Variants in TMEM87B observed in about 807,000 individuals in gnomAD.
TMEM87B encodes transmembrane protein 87B.
A neutral mutation model predicts 80.3 loss-of-function variants in TMEM87B; 83 were observed. The ratio of observed to expected loss-of-function variants is 1.03; its 90% CI spans 0.87 to 1.24. The LOEUF (loss-of-function observed/expected upper bound fraction) is 1.24. Among genes scored for constraint, TMEM87B ranks in the 50% most tolerant of loss-of-function variants. The pLI is 0.00. For missense variants in TMEM87B, 625 were observed against 674.4 expected (o/e 0.93, Z 0.81); for synonymous variants, 219 against 230.5 (o/e 0.95, Z 0.45).
chr2:112,092,056 C>G (rs1253784237), intron 11 of TMEM87B, among the ~76,000 whole-genome samples: 2 of 152,172 alleles, frequency 1.3e-5, no homozygotes, highest in African/African-American at 4.8e-5. Context: ...AAGGGATTCA[C>G]AGTCTTGTAG....
At chr2:112,057,364 C>G (rs1302746041) in intron 1 of TMEM87B, among the ~76,000 whole-genome samples, 1 of 152,214 alleles carries the variant, frequency 6.6e-6, no homozygotes. Flanking sequence ...CAGCCTCAAA[C>G]TCCTGGGCTC....
intron 15 of TMEM87B, among the ~76,000 whole-genome samples, chr2:112,102,555 G>T (rs182370884): frequency 6.6e-6 from 1 of 151,964 alleles, no homozygotes; most frequent in African/African-American, 2.4e-5. Context: ...TTAGCCGGGC[G>T]TGGTGGTGTG....
intron 4 of TMEM87B, among the ~76,000 whole-genome samples, chr2:112,071,899 G>T (rs754974336): frequency 6.6e-6 from 1 of 152,160 alleles, no homozygotes; most frequent in Non-Finnish European, 1.5e-5. Flanking sequence ...TGCCCATTAA[G>T]TATGATGTTG....
At chr2:112,116,025 G>C in intron 18 of TMEM87B, 59 bp from the exon 19 acceptor site, 1 of 1,424,718 alleles carries the variant, frequency 7.0e-7, no homozygotes, top group South Asian at 1.2e-5. Context: ...GAAAATTTTT[G>C]TTAGGGTTCT....
chr2:112,057,018 G>T (rs1013896944), intron 1 of TMEM87B, among the ~76,000 whole-genome samples: 4 of 152,176 alleles, frequency 2.6e-5, no homozygotes, highest in African/African-American at 9.7e-5. Context: ...TCTTTGCTAA[G>T]TGTACTGTGA....
intron 4 of TMEM87B, among the ~76,000 whole-genome samples, chr2:112,074,456 T>C (rs1426811239): frequency 6.6e-6 from 1 of 152,222 alleles, no homozygotes; most frequent in Non-Finnish European, 1.5e-5. Flanking sequence ...GGCTTTCCTT[T>C]GTGGGTGACC....
chr2:112,062,426 A>T (rs143745666), intron 2 of TMEM87B, among the ~76,000 whole-genome samples: 1 of 152,250 alleles, frequency 6.6e-6, no homozygotes, highest in African/African-American at 2.4e-5. Context: ...AAAAAATTCA[A>T]CACCCATTCA....
At chr2:112,062,050 G>A (rs1441934949) in intron 2 of TMEM87B, among the ~76,000 whole-genome samples, 9 of 152,254 alleles carry the variant, frequency 5.9e-5, no homozygotes, top group Middle Eastern at 3.4e-3. Context: ...TCCAGTTTAC[G>A]GTTTCTGTTC....
At position 112,102,555 on chromosome 2, in the gene TMEM87B, G is replaced by A. The variant is rs182370884; in HGVS notation, c.1450+1860G>A. Among the ~76,000 whole-genome samples, 82 of 152,082 alleles carry A rather than the reference G, an allele frequency of 5.4e-4. 1 individual carries two copies. The highest frequency in any genetic ancestry group is 1.3e-3 in the African/African-American group (54 of 41,502). ...CTAAAAATACAAAAATTAGCCGGGC[G>A]TGGTGGTGTGTGCCTGTAATCCCAG... On this transcript the variant is annotated intron_variant, in intron 15 of 18. Coordinates refer to ENST00000283206, the MANE Select transcript of TMEM87B (RefSeq NM_032824.3).
At chr2:112,092,815 G>T (rs1679344085) in intron 11 of TMEM87B, among the ~76,000 whole-genome samples, 1 of 152,102 alleles carries the variant, frequency 6.6e-6, no homozygotes, top group African/African-American at 2.4e-5. Context: ...TTCTTCATGG[G>T]GGCACTTGTG....
chr2:112,064,317 T>A, intron 3 of TMEM87B, 64 bp downstream of exon 3: 7 of 1,347,548 alleles, frequency 5.2e-6, no homozygotes, highest in Non-Finnish European at 7.4e-6. Context: ...GTATAAAGAT[T>A]AGCTCATCAA....
intron 18 of TMEM87B, among the ~76,000 whole-genome samples, chr2:112,113,459 A>C (rs1679976004): frequency 6.6e-6 from 1 of 152,200 alleles, no homozygotes; most frequent in South Asian, 2.1e-4. Context: ...AGTGGTAGCT[A>C]AGTTGTAACT....
intron 15 of TMEM87B, among the ~76,000 whole-genome samples, 166 bp downstream of exon 15, chr2:112,100,861 G>A (rs1679610774): frequency 6.6e-6 from 1 of 152,150 alleles, no homozygotes; most frequent in Non-Finnish European, 1.5e-5. Flanking sequence ...AGAAAGGTCA[G>A]TGATGAAATT....
At chr2:112,059,948 G>C in intron 1 of TMEM87B, 29 bp from the exon 2 acceptor site, 1 of 1,590,070 alleles carries the variant, frequency 6.3e-7, no homozygotes, top group Non-Finnish European at 8.6e-7. Context: ...TTTCTAACAA[G>C]ATCTTCCTGT....
At chr2:112,103,386 A>G (rs1307081328) in intron 15 of TMEM87B, among the ~76,000 whole-genome samples, 1 of 152,222 alleles carries the variant, frequency 6.6e-6, no homozygotes, top group Non-Finnish European at 1.5e-5. Flanking sequence ...AAATAGATTC[A>G]GTGCAATCCC....
chr2:112,077,304 GT>G, intron 6 of TMEM87B, 22 bp downstream of exon 6: 1 of 1,288,666 alleles, frequency 7.8e-7, no homozygotes, highest in Non-Finnish European at 1.1e-6. Context: ...CTGCATGCAT[GT>G]TTACTGTCTG....
chr2:112,112,871 T>C, intron 17 of TMEM87B, 28 bp from the exon 18 acceptor site: 3 of 1,610,312 alleles, frequency 1.9e-6, no homozygotes, highest in Non-Finnish European at 2.5e-6. Context: ...TTAACAACAT[T>C]ATCACCTTTT....
At position 112,070,466 on chromosome 2, in the gene TMEM87B, T is replaced by G. The variant is rs572062176; in HGVS notation, c.450+3399T>G. 1.4e-3 allele frequency among the ~76,000 whole-genome samples: 209 copies of G among 152,338 alleles called. 1 individual carries two copies. Among genetic ancestry groups the G allele is most frequent in the Non-Finnish European group, 4.9e-4 (33 of 68,028 alleles). On this transcript the variant is annotated intron_variant, in intron 4 of 18. Coordinates refer to ENST00000283206, the MANE Select transcript of TMEM87B (RefSeq NM_032824.3). The stretch of plus-strand genomic sequence containing the variant: ...CCATTGTTTGTTTTTGTCAACTTTA[T>G]TAAAGACCAAATTATTATACGTGTG...
At chr2:112,107,946 A>G in intron 17 of TMEM87B, 106 bp downstream of exon 17, 2 of 612,568 alleles carry the variant, frequency 3.3e-6, no homozygotes, top group Non-Finnish European at 5.5e-6. Context: ...ACTTGCATGT[A>G]CTTGGGTAAG....
Sources: allele counts gnomAD v4.1 joint callset (sites outside exome capture counted in the v4.1 genomes callset), GRCh38; gene constraint gnomAD v4.1.1; transcripts MANE v1.5; gene names NCBI Gene and HGNC (gene_info 2026-07-23, HGNC 2026-07-21).